Variants in INO80D observed in about 807,000 individuals in gnomAD.
The protein encoded by INO80D is INO80 complex subunit D.
A neutral mutation model predicts 87.6 loss-of-function variants in INO80D; 21 were observed. The ratio of observed to expected loss-of-function variants is 0.24; its 90% CI spans 0.17 to 0.35. The LOEUF (loss-of-function observed/expected upper bound fraction) is 0.35, where lower values mean the gene tolerates loss of function less well. Ranked by LOEUF, INO80D falls within the 10% of genes least tolerant of loss-of-function variation. The pLI is 1.00. For missense variants in INO80D, 982 were observed against 1,280.7 expected, an observed-to-expected ratio of 0.77 and a Z score of 3.56; for synonymous variants, 440 against 491.0, an observed-to-expected ratio of 0.90 and a Z score of 1.37.
chr2:206,023,349 A>G (rs1688517724), intron 6 of INO80D, among the ~76,000 whole-genome samples: 1 of 152,090 alleles, frequency 6.6e-6, no homozygotes, highest in Non-Finnish European at 1.5e-5. Flanking sequence ...GCAGCATGCA[A>G]CTAAAAGTTG....
chr2:206,056,106 A>C, intron 4 of INO80D, 92 bp downstream of exon 4: 1 of 1,226,264 alleles, frequency 8.2e-7, no homozygotes, highest in Non-Finnish European at 1.1e-6. Flanking sequence ...CACCCCCATC[A>C]CATATGGGGT....
At position 206,062,766 on chromosome 2, in the gene INO80D, A is replaced by C. The variant is rs1336076751; in HGVS notation, c.218+33T>G. The stretch of plus-strand genomic sequence containing the variant: ...GAAAAAATTCCAAGCCTGTTAATGA[A>C]ATCAAGGATTGATTCTCATGATTAG... On this transcript the variant is annotated intron_variant, in intron 3 of 10. Transcript: ENST00000403263. This position sits in a 1 kb window ranked among gnomAD's most constrained non-coding sequence, Gnocchi z 4.6. 9.1e-6 allele frequency: 14 copies of C among 1,545,528 alleles called. No homozygotes were observed. The highest frequency in any genetic ancestry group is 1.1e-5 in the Non-Finnish European group (13 of 1,141,988).
intron 5 of INO80D, among the ~76,000 whole-genome samples, chr2:206,034,855 C>A (rs2105844851): frequency 6.6e-6 from 1 of 152,218 alleles, no homozygotes; most frequent in Non-Finnish European, 1.5e-5. Context: ...CATTAAGACT[C>A]CAGAAAGCTC....
In INO80D at chr2:205,994,331, TGA is replaced by T. The variant is rs1687768659; in HGVS notation, c.*10035_*10036del. The stretch of plus-strand genomic sequence containing the variant: ...TGTTAAACATACTTGGGTGCCAAGG[TGA>T]ATGAGAACACTGAAAAAGAAGGGCT... On this transcript the variant is annotated 3_prime_UTR_variant, in exon 11 of 11. Transcript: ENST00000403263. The T allele has an allele frequency of 6.6e-6, 1 of 152,202 alleles. No individual in the cohort carries two copies. The highest frequency in any genetic ancestry group is 1.5e-5 in the Non-Finnish European group (1 of 68,038). The allele number at this position is 152,202 out of a possible 1,614,324, so 9.4% of individuals were successfully genotyped here. A position where few individuals can be genotyped will look rare whatever the true frequency, so the allele number is the denominator to read the frequency against.
chr2:206,010,109 T>C (rs1688132926), intron 8 of INO80D, among the ~76,000 whole-genome samples: 1 of 140,030 alleles, frequency 7.1e-6, no homozygotes, highest in Admixed American at 7.0e-5. Context: ...TTCCAGTTCT[T>C]TGTACTGGCA....
At chr2:206,077,677 C>T (rs184434237) in intron 1 of INO80D, among the ~76,000 whole-genome samples, 3 of 152,226 alleles carry the variant, frequency 2.0e-5, no homozygotes, top group African/African-American at 7.2e-5. Flanking sequence ...TTACAGAAAC[C>T]CTGCATTACA....
Position 206,062,693 on chromosome 2 carries a change from G to GGAGGGAGA in INO80D, c.218+98_218+105dup. 1.1e-6 allele frequency: 1 copy of GGAGGGAGA among 881,032 alleles called. No individual in the cohort carries two copies. 54.6% of individuals were successfully genotyped at this position (881,032 alleles called of 1,614,324 possible). On this transcript the variant is annotated intron_variant, in intron 3 of 10. Coordinates refer to ENST00000403263, the MANE Select transcript of INO80D (RefSeq NM_017759.5). This position sits in a 1 kb window ranked among gnomAD's most constrained non-coding sequence, Gnocchi z 4.6. Reference sequence around the variant, plus strand: ...CATTTATATAGGTGGAGGAAGGGAGGGAGGGAGAAATGAAGGACAGAAGAA... The same window carrying GGAGGGAGA: ...CATTTATATAGGTGGAGGAAGGGAGGGAGGGAGAGAGGGAGAAATGAAGGACAGAAGAA...
intron 1 of INO80D, among the ~76,000 whole-genome samples, chr2:206,067,170 C>G (rs990855451): frequency 2.0e-5 from 3 of 151,802 alleles, no homozygotes; most frequent in Non-Finnish European, 4.4e-5. Context: ...TCGCTTCAAC[C>G]CAGGAGGCGG....
At position 206,003,928 on chromosome 2, in the gene INO80D, A is replaced by G. The variant is rs976886656; in HGVS notation, c.*440T>C. ...AGGTCAGAATCTTGACCTGCCACAC[A>G]CCATTTGCTGTCTCTTATACAGGAA... On this transcript the variant is annotated 3_prime_UTR_variant, in exon 11 of 11. Transcript: ENST00000403263. The G allele has an allele frequency of 1.6e-5, 3 of 182,900 alleles. No individual in the cohort carries two copies. The highest frequency in any genetic ancestry group is 3.6e-5 in the Non-Finnish European group (3 of 84,456). The allele number at this position is 182,900 out of a possible 1,614,324, so 11.3% of individuals were successfully genotyped here.
chr2:206,005,835 CATGGTGACT>C (rs1688008633), intron 10 of INO80D, among the ~76,000 whole-genome samples: 1 of 152,126 alleles, frequency 6.6e-6, no homozygotes, highest in African/African-American at 2.4e-5. Flanking sequence ...ATTTAAAGCT[CATGGTGACT>C]ATGTGATTAT....
In INO80D at chr2:206,012,476, A is replaced by T. The variant is rs75827067; in HGVS notation, c.1543-2682T>A. 7.6e-3 allele frequency among the ~76,000 whole-genome samples: 1,161 copies of T among 152,334 alleles called. 25 individuals are homozygous for T. Among genetic ancestry groups the T allele is most frequent in the Admixed American group, 0.048 (729 of 15,294 alleles). On this transcript the variant is annotated intron_variant, in intron 8 of 10. Transcript: ENST00000403263. ...GATATGGCAAGAAGGGAGATCAATT[A>T]GGAGACTATTACAATAATCCAGGCA... is the stretch of plus-strand genomic sequence containing the variant.
chr2:206,028,144 T>C lies in INO80D; in HGVS notation c.1265A>G (p.Gln422Arg). 6.4e-7 allele frequency: 1 copy of C among 1,561,774 alleles called. No homozygotes were observed. The highest frequency in any genetic ancestry group is 8.7e-7 in the Non-Finnish European group (1 of 1,152,902). Residue 422 changes from glutamine (Q) to arginine (R), a missense_variant, in exon 6 of 11, where the codon CAA (glutamine) becomes CGA (arginine). Gln to Arg is a conservative substitution (Grantham distance 43, BLOSUM62 1). Coordinates refer to ENST00000403263, the MANE Select transcript of INO80D (RefSeq NM_017759.5). The part of the protein sequence containing the change: ...KEPECTGQLI[Q>R]ELRRAACSRT... ...ACTGCATGCAGCTCTCCGCAGTTCT[T>C]GTATTAACTGACCAGTGCATTCTGG...
At chr2:206,064,091 G>A (rs918984511) in intron 1 of INO80D, among the ~76,000 whole-genome samples, 2 of 151,926 alleles carry the variant, frequency 1.3e-5, no homozygotes, top group Non-Finnish European at 2.9e-5. Context: ...AACTTCTCAG[G>A]CCCAAAGACT....
intron 4 of INO80D, among the ~76,000 whole-genome samples, 160 bp downstream of exon 4, chr2:206,056,038 A>C (rs1298556903): frequency 6.6e-6 from 1 of 152,188 alleles, no homozygotes; most frequent in Non-Finnish European, 1.5e-5. Context: ...TGTTTATTTT[A>C]AGGTGGTCTA....
intron 5 of INO80D, among the ~76,000 whole-genome samples, chr2:206,045,863 T>G (rs1230253671): frequency 6.6e-6 from 1 of 152,242 alleles, no homozygotes; most frequent in Non-Finnish European, 1.5e-5. Context: ...GGACTCCACG[T>G]AGCCCCCCAA....
chr2:206,084,672 T>G (rs532675636), intron 1 of INO80D: 1 of 152,598 alleles, frequency 6.6e-6, no homozygotes, highest in African/African-American at 2.4e-5. Flanking sequence ...GTCTCCTCGC[T>G]GCTCCCTACA....
intron 6 of INO80D, chr2:206,025,570 A>ATATATATATATATATATATATATAT (rs1559439755): frequency 1.1e-5 from 1 of 91,872 alleles, no homozygotes; most frequent in African/African-American, 3.4e-5. Context: ...TATATATATA[A>ATATATATATATATATATATATATAT]AATAACTAAA....
At chr2:206,058,334 G>A (rs1260144836) in intron 3 of INO80D, among the ~76,000 whole-genome samples, 1 of 151,288 alleles carries the variant, frequency 6.6e-6, no homozygotes, top group African/African-American at 2.4e-5. Flanking sequence ...CAGGAGAATG[G>A]CGCGAACCCC....
chr2:206,074,770 T>C (rs1690065753), intron 1 of INO80D, among the ~76,000 whole-genome samples: 1 of 151,876 alleles, frequency 6.6e-6, no homozygotes. Context: ...AGAAACCCAG[T>C]CTCTACTAAA....
Sources: allele counts gnomAD v4.1 joint callset (sites outside exome capture counted in the v4.1 genomes callset), GRCh38; gene constraint gnomAD v4.1.1; non-coding constraint Gnocchi (gnomAD v3.1); transcripts MANE v1.5; gene names NCBI Gene and HGNC (gene_info 2026-07-23, HGNC 2026-07-21).